Variants in TENM2 observed in about 807,000 individuals in gnomAD.
TENM2 encodes teneurin transmembrane protein 2, also known as teneurin-2.
In TENM2, 52 loss-of-function variants were observed where a neutral mutation model predicts 245.2. That is an observed-to-expected ratio of 0.21 (90% CI 0.17 to 0.27). The LOEUF (loss-of-function observed/expected upper bound fraction) is 0.27. TENM2 is among the 10% of genes least tolerant of loss of function. TENM2 has a pLI of 1.00. For missense variants in TENM2, 3,046 were observed against 3,666.8 expected, an observed-to-expected ratio of 0.83 and a Z score of 4.37; for synonymous variants, 1,363 against 1,438.9, an observed-to-expected ratio of 0.95 and a Z score of 1.19.
chr5:167,154,199 T>C, the TENM2 span, among the ~76,000 whole-genome samples: 1 of 152,242 alleles, frequency 6.6e-6, no homozygotes, highest in African/African-American at 2.4e-5. Flanking sequence ...TGAAGAATAG[T>C]GCCTTTCTTT....
intron 2 of TENM2, among the ~76,000 whole-genome samples, chr5:167,766,793 C>T (rs1417600083): frequency 6.6e-6 from 1 of 151,956 alleles, no homozygotes; most frequent in Non-Finnish European, 1.5e-5. Context: ...GCAGGAGAAT[C>T]GGTTGAACCT....
At chr5:168,084,094 G>A (rs964028315) in intron 7 of TENM2, among the ~76,000 whole-genome samples, 3 of 152,150 alleles carry the variant, frequency 2.0e-5, no homozygotes, top group African/African-American at 7.2e-5. Context: ...AAAAAAATAT[G>A]ATTTCATTCT....
At chr5:167,475,809 C>T (rs970146098) in intron 2 of TENM2, among the ~76,000 whole-genome samples, 1 of 152,026 alleles carries the variant, frequency 6.6e-6, no homozygotes, top group East Asian at 1.9e-4. Context: ...TCAGCCATGT[C>T]CCTGCAAAGG....
chr5:168,159,350 G>C (rs1757535621), intron 12 of TENM2, among the ~76,000 whole-genome samples: 1 of 152,030 alleles, frequency 6.6e-6, no homozygotes, highest in African/African-American at 2.4e-5. Context: ...TGGTGGTCTT[G>C]GAGACAGGCA....
In TENM2 at chr5:167,928,660, G is replaced by A. The variant is rs186080603; in HGVS notation, c.713-23928G>A. ...TGTAATCCCAGCATTTTGGGAGGCC[G>A]AGGCAGGTGGATCACTTGAGGTCAG... On this transcript the variant is annotated intron_variant, in intron 3 of 28. Transcript: ENST00000518659. 4.5e-3 allele frequency among the ~76,000 whole-genome samples: 685 copies of A among 152,084 alleles called. 5 individuals carry two copies. Among genetic ancestry groups the A allele is most frequent in the African/African-American group, 0.015 (625 of 41,494 alleles).
At chr5:167,928,059 C>G (rs1777898902) in intron 3 of TENM2, among the ~76,000 whole-genome samples, 1 of 152,128 alleles carries the variant, frequency 6.6e-6, no homozygotes, top group Non-Finnish European at 1.5e-5. Flanking sequence ...TTTCATTCAG[C>G]AAAAAGGAAA....
At chr5:167,910,947 C>T (rs928554964) in intron 3 of TENM2, among the ~76,000 whole-genome samples, 1 of 152,230 alleles carries the variant, frequency 6.6e-6, no homozygotes, top group East Asian at 1.9e-4. Context: ...TTTATGAATA[C>T]ATATTTTTTG....
chr5:167,452,950 T>TATATATATATATATTTTAA (rs1554157772), intron 2 of TENM2, among the ~76,000 whole-genome samples: 39 of 99,648 alleles, frequency 3.9e-4, no homozygotes, highest in African/African-American at 1.2e-3. Flanking sequence ...TATATATATA[T>TATATATATATATATTTTAA]ATATATATAT....
the TENM2 span, among the ~76,000 whole-genome samples, chr5:167,134,571 C>G: frequency 6.6e-6 from 1 of 152,194 alleles, no homozygotes; most frequent in African/African-American, 2.4e-5. Context: ...AGAAAGTTTG[C>G]AAAATGCCTG....
chr5:167,081,879 G>A, the TENM2 span, among the ~76,000 whole-genome samples: 1 of 152,136 alleles, frequency 6.6e-6, no homozygotes, highest in Non-Finnish European at 1.5e-5. Context: ...GGCACAGAAC[G>A]TTTATTTCTT....
chr5:166,993,520 C>A, the TENM2 span, among the ~76,000 whole-genome samples: 1 of 152,128 alleles, frequency 6.6e-6, no homozygotes, highest in Admixed American at 6.6e-5. Context: ...GAGACAGATG[C>A]TGCGGTTGGA....
intron 1 of TENM2, among the ~76,000 whole-genome samples, chr5:167,342,427 A>G (rs924745197): frequency 2.0e-5 from 3 of 150,422 alleles, no homozygotes; most frequent in African/African-American, 4.9e-5. Context: ...CATTCTGTCT[A>G]CATGACTTAC....
intron 5 of TENM2, among the ~76,000 whole-genome samples, chr5:168,014,616 C>T (rs1008725690): frequency 4.6e-5 from 7 of 152,172 alleles, no homozygotes; most frequent in East Asian, 1.9e-4. Flanking sequence ...CTGCACTAGG[C>T]GTAATGGTTT....
At chr5:168,114,094 A>T (rs754981553) in intron 9 of TENM2, among the ~76,000 whole-genome samples, 1 of 152,202 alleles carries the variant, frequency 6.6e-6, no homozygotes, top group African/African-American at 2.4e-5. Flanking sequence ...TTGAAGTCAG[A>T]TTAGAGATTC....
intron 5 of TENM2, among the ~76,000 whole-genome samples, chr5:168,030,168 T>TTTC (rs1581106720): frequency 1.2e-5 from 1 of 84,626 alleles, no homozygotes; most frequent in East Asian, 4.1e-4. Context: ...CTTTTTTTTT[T>TTTC]TTTTTTTTTT....
the TENM2 span, among the ~76,000 whole-genome samples, chr5:167,246,275 T>G: frequency 1.3e-5 from 2 of 152,086 alleles, no homozygotes; most frequent in African/African-American, 4.8e-5. Context: ...AATAAATAAG[T>G]ATAGTGGGCT....
intron 2 of TENM2, among the ~76,000 whole-genome samples, chr5:167,629,393 A>C (rs1778719771): frequency 6.6e-6 from 1 of 152,226 alleles, no homozygotes; most frequent in African/African-American, 2.4e-5. Context: ...GCATGTTTGA[A>C]AGGCTCTGTA....
chr5:167,553,315 G>A (rs1202054669), intron 2 of TENM2, among the ~76,000 whole-genome samples: 1 of 152,204 alleles, frequency 6.6e-6, no homozygotes, highest in East Asian at 1.9e-4. Flanking sequence ...GGGCTGGGAG[G>A]AGGGTAGTAT....
rs114443661 is a variant in TENM2, at chr5:168,175,989, A to T, written c.2569+13232A>T. On this transcript the variant is annotated intron_variant, in intron 13 of 28. Coordinates refer to ENST00000518659, the Ensembl canonical transcript of TENM2. The stretch of plus-strand genomic sequence containing the variant: ...AGGGAGGCCATTGCATAGGCCTTTG[A>T]CATGCCCTCTTTGTCTATGCATCTT... 7.0e-3 allele frequency among the ~76,000 whole-genome samples: 1,062 copies of T among 152,332 alleles called. 7 individuals carry two copies. Among genetic ancestry groups the T allele is most frequent in the Non-Finnish European group, 0.011 (758 of 68,024 alleles).
Sources: allele counts gnomAD v4.1 joint callset (sites outside exome capture counted in the v4.1 genomes callset), GRCh38; gene constraint gnomAD v4.1.1; transcripts MANE v1.5; gene names NCBI Gene and HGNC (gene_info 2026-07-23, HGNC 2026-07-21).